The following SOHLH2 variants were observed in gnomAD, a reference collection of about 807,000 sequenced individuals.
The protein encoded by SOHLH2 is spermatogenesis and oogenesis specific basic helix-loop-helix 2.
A neutral mutation model predicts 50.4 loss-of-function variants in SOHLH2; 22 were observed. That is an observed-to-expected ratio of 0.44 (90% CI 0.31 to 0.62). SOHLH2 has a LOEUF of 0.62. Among genes scored for constraint, SOHLH2 ranks in the 20% least tolerant of loss-of-function variants. The pLI, the probability that SOHLH2 is intolerant of heterozygous loss-of-function variation, is 0.08. For synonymous variants in SOHLH2, 185 were observed against 187.3 expected (o/e 0.99, Z 0.10); for missense variants, 412 against 504.4 (o/e 0.82, Z 1.76).
chr13:36,207,799 C>T (rs1022090094), intron 1 of SOHLH2, among the ~76,000 whole-genome samples: 2 of 152,128 alleles, frequency 1.3e-5, no homozygotes, highest in Non-Finnish European at 2.9e-5. Context: ...TGTCCCACTA[C>T]TTGGATTTGT....
chr13:36,177,406 T>C (rs962343713), intron 6 of SOHLH2, among the ~76,000 whole-genome samples: 2 of 152,136 alleles, frequency 1.3e-5, no homozygotes, highest in African/African-American at 4.8e-5. Context: ...TTTTTATGAA[T>C]GCATGGTTTT....
intron 1 of SOHLH2, among the ~76,000 whole-genome samples, chr13:36,210,261 G>A (rs1869033129): frequency 1.3e-5 from 2 of 152,304 alleles, no homozygotes; most frequent in African/African-American, 4.8e-5. Context: ...TTCAAACCAG[G>A]TGAGCACCCT....
At chr13:36,181,698 C>T (rs1480652788) in intron 6 of SOHLH2, among the ~76,000 whole-genome samples, 1 of 152,074 alleles carries the variant, frequency 6.6e-6, no homozygotes, top group Non-Finnish European at 1.5e-5. Context: ...TTGCTTATAA[C>T]AGTTTTAAGT....
chr13:36,169,367 G>A (rs1350249816), intron 10 of SOHLH2, among the ~76,000 whole-genome samples: 2 of 151,988 alleles, frequency 1.3e-5, no homozygotes, highest in African/African-American at 2.4e-5. Context: ...GCAACATTAC[G>A]ATATCTGTAG....
chr13:36,179,766 C>T (rs1411329723), intron 6 of SOHLH2, among the ~76,000 whole-genome samples: 2 of 152,076 alleles, frequency 1.3e-5, no homozygotes, highest in African/African-American at 4.8e-5. Context: ...GGATGAACCC[C>T]TGATGTGGTC....
intron 2 of SOHLH2, among the ~76,000 whole-genome samples, chr13:36,198,316 G>A (rs543498628): frequency 6.6e-6 from 1 of 152,284 alleles, no homozygotes; most frequent in South Asian, 2.1e-4. Context: ...TAAACTTTCT[G>A]TACCTGTCTT....
intron 1 of SOHLH2, among the ~76,000 whole-genome samples, chr13:36,211,471 G>T (rs1406343082): frequency 6.6e-6 from 1 of 152,240 alleles, no homozygotes; most frequent in African/African-American, 2.4e-5. Flanking sequence ...CCCTCATGGG[G>T]CTTACATTCT....
intron 1 of SOHLH2, among the ~76,000 whole-genome samples, chr13:36,212,804 G>A (rs551228017): frequency 3.9e-5 from 6 of 152,272 alleles, no homozygotes; most frequent in African/African-American, 9.6e-5. Flanking sequence ...TTAATAACAC[G>A]ACATCATTGT....
intron 9 of SOHLH2, 99 bp downstream of exon 9, chr13:36,173,593 T>C: frequency 7.0e-7 from 1 of 1,425,858 alleles, no homozygotes; most frequent in Admixed American, 1.7e-5. Flanking sequence ...TCAGCTCTCC[T>C]GGATTCCCTG....
At chr13:36,206,352 A>G (rs1868760496) in intron 1 of SOHLH2, among the ~76,000 whole-genome samples, 2 of 152,048 alleles carry the variant, frequency 1.3e-5, no homozygotes, top group South Asian at 4.1e-4. Flanking sequence ...ATTTTTATAT[A>G]TAGTGAGTTC....
At chr13:36,175,619 G>A (rs9602375) in intron 6 of SOHLH2, among the ~76,000 whole-genome samples, 31,432 of 152,072 alleles carry the variant, frequency 0.21, 3,464 homozygotes, top group Middle Eastern at 0.26. Context: ...ATACTACCTT[G>A]ACATCTACAG....
At chr13:36,201,067 A>AAAAAG (rs1566044725) in intron 2 of SOHLH2, among the ~76,000 whole-genome samples, 6 of 150,786 alleles carry the variant, frequency 4.0e-5, no homozygotes, top group South Asian at 2.1e-4. Flanking sequence ...AAAAAAAAAA[A>AAAAAG]AAAAGAAAAG....
intron 1 of SOHLH2, among the ~76,000 whole-genome samples, chr13:36,204,249 C>A (rs575899549): frequency 3.4e-4 from 51 of 152,074 alleles, no homozygotes; most frequent in African/African-American, 1.1e-3. Context: ...CCGTGCCCAG[C>A]CCTTTAATTC....
At chr13:36,195,615 T>TA (rs1015544031) in intron 2 of SOHLH2, among the ~76,000 whole-genome samples, 4 of 152,176 alleles carry the variant, frequency 2.6e-5, no homozygotes, top group African/African-American at 9.7e-5. Context: ...GATGCGCTGA[T>TA]AGGGGTGACA....
chr13:36,193,031 T>A (rs1024978225), intron 4 of SOHLH2, among the ~76,000 whole-genome samples: 4 of 152,196 alleles, frequency 2.6e-5, no homozygotes, highest in African/African-American at 9.6e-5. Context: ...TAGAATTTAA[T>A]TTCCGTAATT....
At chr13:36,214,448 C>T (rs1415670627) in intron 1 of SOHLH2, 31 bp downstream of exon 1, 2 of 1,607,926 alleles carry the variant, frequency 1.2e-6, no homozygotes, top group African/African-American at 1.3e-5. Flanking sequence ...AGGTTATAAA[C>T]GCAGCTGCCT....
chr13:36,208,898 C>T (rs1868940696), intron 1 of SOHLH2, among the ~76,000 whole-genome samples: 1 of 152,204 alleles, frequency 6.6e-6, no homozygotes, highest in African/African-American at 2.4e-5. Flanking sequence ...ATCCAAGTTG[C>T]TAATGAAAAG....
chr13:36,209,008 T>A (rs988637298), intron 1 of SOHLH2, among the ~76,000 whole-genome samples: 1 of 152,206 alleles, frequency 6.6e-6, no homozygotes, highest in Non-Finnish European at 1.5e-5. Context: ...TTCATCCTAC[T>A]TGGCACACAG....
At position 36,193,811 on chromosome 13, in the gene SOHLH2, A is replaced by C; in HGVS notation, c.320T>G (p.Phe107Cys). Reference protein sequence around the residue: ...SLFVFIIPENFKGCISGHGMD... With the variant: ...SLFVFIIPENCKGCISGHGMD... ...TATATTTAGCAGGTACATACCTTTA[A>C]AATTTTCAGGGATTATAAAAACAAA... Residue 107 changes from phenylalanine to cysteine, a missense_variant, in exon 3 of 11, where the codon TTT becomes TGT. By Grantham distance (205) the Phe-to-Cys change is radical. Coordinates refer to ENST00000379881, the MANE Select transcript of SOHLH2 (RefSeq NM_017826.3). 1.2e-6 allele frequency: 2 copies of C among 1,604,088 alleles called. No individual in the cohort carries two copies. Among genetic ancestry groups the C allele is most frequent in the South Asian group, 2.3e-5 (2 of 87,626 alleles).
Sources: allele counts gnomAD v4.1 joint callset (sites outside exome capture counted in the v4.1 genomes callset), GRCh38; gene constraint gnomAD v4.1.1; transcripts MANE v1.5; gene names NCBI Gene and HGNC (gene_info 2026-07-23, HGNC 2026-07-21).